MYBL1: variants seen among roughly 807,000 people sequenced by gnomAD.
MYBL1 encodes myb-related protein A.
Under a neutral mutation model 96.3 loss-of-function variants are expected in MYBL1, and 17 were observed. That is an observed-to-expected ratio of 0.18 (90% CI 0.12 to 0.26). The LOEUF is 0.26. Among genes scored for constraint, MYBL1 ranks in the 10% least tolerant of loss-of-function variants. MYBL1 has a pLI of 1.00. For synonymous variants in MYBL1, 282 were observed against 292.7 expected (o/e 0.96, Z 0.37); for missense variants, 701 against 882.9 (o/e 0.79, Z 2.61).
At chr8:66,583,680 AT>A (rs1314549553) in intron 8 of MYBL1, among the ~76,000 whole-genome samples, 1 of 152,200 alleles carries the variant, frequency 6.6e-6, no homozygotes, top group Non-Finnish European at 1.5e-5. Flanking sequence ...AGAGGTTATC[AT>A]GAATAACTGT....
intron 8 of MYBL1, among the ~76,000 whole-genome samples, chr8:66,586,954 T>C (rs184352949): frequency 3.1e-3 from 469 of 152,164 alleles, no homozygotes; most frequent in Admixed American, 5.6e-3. Flanking sequence ...AGATAAACAC[T>C]GTAGGTTCTC....
intron 12 of MYBL1, among the ~76,000 whole-genome samples, chr8:66,570,821 G>A (rs937851295): frequency 6.6e-6 from 1 of 152,080 alleles, no homozygotes; most frequent in Non-Finnish European, 1.5e-5. Flanking sequence ...TTAAAAAAGT[G>A]TTATAAAATA....
intron 8 of MYBL1, among the ~76,000 whole-genome samples, chr8:66,585,965 A>G (rs1030382908): frequency 4.0e-5 from 6 of 151,788 alleles, no homozygotes; most frequent in Non-Finnish European, 8.8e-5. Flanking sequence ...CCAACAAAGG[A>G]TTAATATCTA....
At chr8:66,568,042 GT>G (rs1230766941) in intron 12 of MYBL1, among the ~76,000 whole-genome samples, 8 of 135,756 alleles carry the variant, frequency 5.9e-5, no homozygotes, top group Non-Finnish European at 7.7e-5. Context: ...GCCAGACTCC[GT>G]CTCAAAAAAA....
intron 10 of MYBL1, among the ~76,000 whole-genome samples, chr8:66,575,711 G>C (rs1037204786): frequency 6.6e-6 from 1 of 152,032 alleles, no homozygotes; most frequent in African/African-American, 2.4e-5. Context: ...GATCACTTGA[G>C]CCTCGGTGGT....
chr8:66,564,667 A>C lies in MYBL1; in HGVS notation c.*30T>G, dbSNP rs1346013100. The C allele has an allele frequency of 6.5e-7, 1 of 1,539,030 alleles. No individual in the cohort carries two copies. Among genetic ancestry groups the C allele is most frequent in the African/African-American group, 1.4e-5 (1 of 72,862 alleles). Reference sequence around the variant, plus strand: ...AATTTAGTAGAGACTGCAGTAAGGGAGTGGGGCATTTCATCAATTTTAATA... The same window carrying C: ...AATTTAGTAGAGACTGCAGTAAGGGCGTGGGGCATTTCATCAATTTTAATA... On this transcript the variant is annotated 3_prime_UTR_variant, in exon 16 of 16. Transcript: ENST00000522677.
intron 8 of MYBL1, among the ~76,000 whole-genome samples, chr8:66,584,943 T>C (rs549578159): frequency 4.6e-5 from 7 of 152,250 alleles, no homozygotes; most frequent in South Asian, 2.1e-4. Flanking sequence ...GAATTAATAT[T>C]GTGAAAATGA....
intron 1 of MYBL1, among the ~76,000 whole-genome samples, chr8:66,610,408 G>GTT (rs953484353): frequency 1.4e-5 from 2 of 143,228 alleles, no homozygotes; most frequent in African/African-American, 5.1e-5. Flanking sequence ...GTTTTTTTGG[G>GTT]TTTTTTTTTT....
chr8:66,567,689 A>AT (rs1808560079), intron 12 of MYBL1, among the ~76,000 whole-genome samples: 1 of 152,208 alleles, frequency 6.6e-6, no homozygotes. Context: ...TTTAAAAATT[A>AT]TATCTAACTT....
At chr8:66,586,047 T>G (rs1399584709) in intron 8 of MYBL1, among the ~76,000 whole-genome samples, 5 of 146,484 alleles carry the variant, frequency 3.4e-5, no homozygotes, top group African/African-American at 5.0e-5. Context: ...TTGGTGTTTT[T>G]TTTTTTTTTT....
intron 15 of MYBL1, 38 bp from the exon 16 acceptor site, chr8:66,564,863 A>G (rs752150769): frequency 7.0e-7 from 1 of 1,438,262 alleles, no homozygotes; most frequent in Non-Finnish European, 9.4e-7. Context: ...GAAAATTATT[A>G]AAATAGCTAT....
chr8:66,577,815 C>A (rs986096095), intron 9 of MYBL1, among the ~76,000 whole-genome samples: 11 of 152,182 alleles, frequency 7.2e-5, no homozygotes, highest in Non-Finnish European at 1.0e-4. Flanking sequence ...ATCATGCTAC[C>A]TGATTTCAAA....
Position 66,564,094 on chromosome 8 carries a change from T to A in MYBL1, c.*603A>T, listed in dbSNP as rs1808412489. The stretch of plus-strand genomic sequence containing the variant: ...TACTATTTACTAATAAAGAAAAAAC[T>A]CTTTTTTGAATGCTTTTTGTTTTCA... On this transcript the variant is annotated 3_prime_UTR_variant, in exon 16 of 16. Transcript: ENST00000522677. 1 of 152,404 alleles carries A rather than the reference T, an allele frequency of 6.6e-6. No homozygotes were observed. Among genetic ancestry groups the A allele is most frequent in the African/African-American group, 2.4e-5 (1 of 41,434 alleles). The allele number at this position is 152,404 out of a possible 1,614,324, so 9.4% of individuals were successfully genotyped here. A position where few individuals can be genotyped will look rare whatever the true frequency, so the allele number is the denominator to read the frequency against.
intron 1 of MYBL1, among the ~76,000 whole-genome samples, chr8:66,609,952 A>T (rs1810465255): frequency 6.6e-6 from 1 of 151,984 alleles, no homozygotes; most frequent in Non-Finnish European, 1.5e-5. Flanking sequence ...CAACACAGTA[A>T]AATTGGTTCC....
In MYBL1 at chr8:66,564,045, T is replaced by G. The variant is rs1165605580; in HGVS notation, c.*652A>C. 6.6e-6 allele frequency: 1 copy of G among 152,406 alleles called. No individual in the cohort carries two copies. The highest frequency in any genetic ancestry group is 2.4e-5 in the African/African-American group (1 of 41,422). 9.4% of individuals were successfully genotyped at this position (152,406 alleles called of 1,614,324 possible). The stretch of plus-strand genomic sequence containing the variant: ...CTGTACAATACATTCAACAAAACTC[T>G]CAGCTCCTCTGAGATTAAGAAAATA... On this transcript the variant is annotated 3_prime_UTR_variant, in exon 16 of 16. Coordinates refer to ENST00000522677, the MANE Select transcript of MYBL1 (RefSeq NM_001080416.4).
chr8:66,578,068 C>T (rs1380377483), intron 9 of MYBL1, among the ~76,000 whole-genome samples: 1 of 152,056 alleles, frequency 6.6e-6, no homozygotes, highest in Non-Finnish European at 1.5e-5. Flanking sequence ...ACACCTTATA[C>T]AAAAATTAAT....
intron 8 of MYBL1, among the ~76,000 whole-genome samples, chr8:66,586,498 G>T (rs1563539410): frequency 1.3e-5 from 2 of 152,140 alleles, no homozygotes; most frequent in African/African-American, 2.4e-5. Context: ...TCTCACCCTT[G>T]TCAGAATGAC....
chr8:66,575,296 C>T (rs1443886061), intron 10 of MYBL1, among the ~76,000 whole-genome samples: 3 of 152,188 alleles, frequency 2.0e-5, no homozygotes, highest in African/African-American at 7.2e-5. Flanking sequence ...ACAAATTACT[C>T]TAAATAGGTA....
At chr8:66,601,276 A>G (rs886159337) in intron 3 of MYBL1, among the ~76,000 whole-genome samples, 1 of 152,044 alleles carries the variant, frequency 6.6e-6, no homozygotes, top group Non-Finnish European at 1.5e-5. Context: ...AGTATGGTAA[A>G]CAATAGGCAT....
Sources: allele counts gnomAD v4.1 joint callset (sites outside exome capture counted in the v4.1 genomes callset), GRCh38; gene constraint gnomAD v4.1.1; transcripts MANE v1.5; gene names NCBI Gene and HGNC (gene_info 2026-07-23, HGNC 2026-07-21).